The following RNGTT variants were observed in gnomAD, a reference collection of about 807,000 sequenced individuals.
RNGTT encodes the protein RNA guanylyltransferase and 5'-phosphatase.
RNGTT carries 33 observed loss-of-function variants against 79.3 expected under a neutral mutation model. That is an observed-to-expected ratio of 0.42 (90% CI 0.32 to 0.56). The LOEUF is 0.56. Among genes scored for constraint, RNGTT ranks in the 20% least tolerant of loss-of-function variants. The pLI, the probability that RNGTT is intolerant of heterozygous loss-of-function variation, is 0.17. For missense variants in RNGTT, 497 were observed against 739.1 expected, an observed-to-expected ratio of 0.67 and a Z score of 3.80; for synonymous variants, 222 against 235.9, an observed-to-expected ratio of 0.94 and a Z score of 0.54.
chr6:88,653,617 A>T (rs574433376), intron 14 of RNGTT, among the ~76,000 whole-genome samples: 4 of 152,342 alleles, frequency 2.6e-5, no homozygotes, highest in African/African-American at 7.2e-5. Flanking sequence ...AAGATGTAAC[A>T]GAGATTAGAA....
chr6:88,899,532 C>T (rs182251970), intron 6 of RNGTT, among the ~76,000 whole-genome samples: 1 of 152,190 alleles, frequency 6.6e-6, no homozygotes, highest in East Asian at 1.9e-4. Flanking sequence ...TCCGCCTCGG[C>T]CTCCCAAAGT....
At chr6:88,891,579 C>T (rs1162132481) in intron 7 of RNGTT, among the ~76,000 whole-genome samples, 2 of 151,998 alleles carry the variant, frequency 1.3e-5, no homozygotes, top group African/African-American at 2.4e-5. Flanking sequence ...AAATACTAGA[C>T]AGTGAAAACA....
At chr6:88,771,568 T>C (rs1327276139) in intron 12 of RNGTT, among the ~76,000 whole-genome samples, 2 of 151,816 alleles carry the variant, frequency 1.3e-5, no homozygotes, top group Non-Finnish European at 2.9e-5. Context: ...AGCTTGCCAA[T>C]TTCTATGAAA....
intron 14 of RNGTT, among the ~76,000 whole-genome samples, chr6:88,641,338 TAAAA>T (rs869118891): frequency 5.9e-4 from 81 of 136,718 alleles, no homozygotes; most frequent in African/African-American, 1.9e-3. Context: ...GACTCTGTCT[TAAAA>T]AAAAAAAAAA....
chr6:88,916,669 C>G (rs956754778), intron 4 of RNGTT, among the ~76,000 whole-genome samples: 15 of 152,180 alleles, frequency 9.9e-5, no homozygotes, highest in Middle Eastern at 3.4e-3. Context: ...TTATCAAAAA[C>G]CCAGGTTATA....
At chr6:88,883,360 C>T (rs1782753755) in intron 8 of RNGTT, among the ~76,000 whole-genome samples, 1 of 152,048 alleles carries the variant, frequency 6.6e-6, no homozygotes, top group African/African-American at 2.4e-5. Flanking sequence ...TTTCTCATCT[C>T]AAAAGCCTTC....
At chr6:88,864,118 A>C (rs896643077) in intron 8 of RNGTT, among the ~76,000 whole-genome samples, 1 of 152,110 alleles carries the variant, frequency 6.6e-6, no homozygotes, top group Non-Finnish European at 1.5e-5. Context: ...TCAAATTCCT[A>C]TTCAAAACTC....
intron 13 of RNGTT, among the ~76,000 whole-genome samples, chr6:88,710,350 ATTGCCTT>A (rs1446527508): frequency 6.6e-6 from 1 of 152,250 alleles, no homozygotes; most frequent in Non-Finnish European, 1.5e-5. Context: ...AGTTAAGACA[ATTGCCTT>A]TATCTGCCTA....
intron 14 of RNGTT, among the ~76,000 whole-genome samples, chr6:88,639,312 A>T (rs1419909953): frequency 6.6e-6 from 1 of 152,120 alleles, no homozygotes; most frequent in Non-Finnish European, 1.5e-5. Context: ...TAAAAGTTTA[A>T]TAGGCTTTTA....
At chr6:88,707,851 C>T (rs547934355) in intron 13 of RNGTT, among the ~76,000 whole-genome samples, 12 of 151,698 alleles carry the variant, frequency 7.9e-5, no homozygotes, top group South Asian at 4.2e-4. Context: ...AGCATTCACA[C>T]GATCTCTAAA....
intron 13 of RNGTT, among the ~76,000 whole-genome samples, chr6:88,726,389 C>CAAAAAAAAAAAAAA (rs61210098): frequency 3.3e-4 from 33 of 99,524 alleles, no homozygotes; most frequent in Non-Finnish European, 3.9e-4. Flanking sequence ...ATCCTAAGTC[C>CAAAAAAAAAAAAAA]AAAAAAAAAA....
At chr6:88,640,865 T>A (rs1300320310) in intron 14 of RNGTT, among the ~76,000 whole-genome samples, 1 of 152,144 alleles carries the variant, frequency 6.6e-6, no homozygotes, top group Non-Finnish European at 1.5e-5. Flanking sequence ...TTGGATAAGG[T>A]CCCTATTAAT....
chr6:88,772,114 G>A (rs1482004800), intron 12 of RNGTT, among the ~76,000 whole-genome samples: 1 of 152,012 alleles, frequency 6.6e-6, no homozygotes, highest in Non-Finnish European at 1.5e-5. Flanking sequence ...GGGAGGTCAA[G>A]GCTATAGTGA....
rs1227582021 is a variant in RNGTT, at chr6:88,817,748, C to CTTTT, written c.1270-16117_1270-16116insAAAA. Among the ~76,000 whole-genome samples, 20 of 100,000 alleles carry CTTTT rather than the reference C, an allele frequency of 2.0e-4. 2 individuals carry two copies. The highest frequency in any genetic ancestry group is 4.3e-4 in the Admixed American group (4 of 9,396). The allele number at this position is 100,000 out of a possible 152,430, so 65.6% of individuals were successfully genotyped here. A position where few individuals can be genotyped will look rare whatever the true frequency, so the allele number is the denominator to read the frequency against. On this transcript the variant is annotated intron_variant, in intron 11 of 15. Transcript: ENST00000369485. ...CTTCACCATCCAAGTCTATTCACATCATTTTTTTTTTTTTTTTTTTTTTTT... is the reference window on the plus strand; with the variant it reads ...CTTCACCATCCAAGTCTATTCACATCTTTTATTTTTTTTTTTTTTTTTTTTTTTT...
intron 8 of RNGTT, among the ~76,000 whole-genome samples, chr6:88,874,281 C>T (rs184643281): frequency 2.6e-4 from 39 of 152,164 alleles, no homozygotes; most frequent in Non-Finnish European, 4.3e-4. Context: ...TAAAGATTTA[C>T]CTTGATATGG....
chr6:88,738,406 A>T (rs1389702451), intron 13 of RNGTT, among the ~76,000 whole-genome samples: 1 of 152,204 alleles, frequency 6.6e-6, no homozygotes, highest in East Asian at 1.9e-4. Context: ...AAAACTAAGG[A>T]AATCTGAATA....
Position 88,624,150 on chromosome 6 carries a change from T to C in RNGTT, c.1507-9755A>G, listed in dbSNP as rs113141594. 7.3e-3 allele frequency among the ~76,000 whole-genome samples: 1,107 copies of C among 152,042 alleles called. 13 individuals are homozygous for C. The highest frequency in any genetic ancestry group is 0.024 in the African/African-American group (988 of 41,516). On this transcript the variant is annotated intron_variant, in intron 14 of 15. Transcript: ENST00000369485. ...TGTTCATGGATTGAAAGATTCAATA[T>C]TGTAAAGATGTCAATTCTTCCCAAA...
At chr6:88,753,518 A>G (rs1344118139) in intron 13 of RNGTT, among the ~76,000 whole-genome samples, 1 of 152,084 alleles carries the variant, frequency 6.6e-6, no homozygotes, top group Non-Finnish European at 1.5e-5. Context: ...AAAAAAAAAA[A>G]TTATATAAAA....
rs906444657 is a variant in RNGTT, at chr6:88,874,390, TGAAAA to T, written c.896+16100_896+16104del. Among the ~76,000 whole-genome samples, 21 of 152,246 alleles carry T rather than the reference TGAAAA, an allele frequency of 1.4e-4. No homozygotes were observed. The East Asian group carries it at 3.1e-3, about 22-fold the overall frequency. ...ATTTTTATAAAGTAATCCATCTTCA[TGAAAA>T]GAAAAGATCAAAAGAATTTTCCCAA... On this transcript the variant is annotated intron_variant, in intron 8 of 15. Coordinates refer to ENST00000369485, the MANE Select transcript of RNGTT (RefSeq NM_003800.5).
Sources: gnomAD v4.1 joint callset for allele counts (sites outside exome capture counted in the v4.1 genomes callset) on GRCh38, gnomAD v4.1.1 for gene constraint, MANE v1.5 for transcripts, NCBI Gene and HGNC (gene_info 2026-07-23, HGNC 2026-07-21) for gene names.